The following SLC39A11 variants were observed in gnomAD, a reference collection of about 807,000 sequenced individuals.
SLC39A11 encodes the protein zinc transporter ZIP11.
In SLC39A11, 33 loss-of-function variants were observed where a neutral mutation model predicts 36.1. The ratio of observed to expected loss-of-function variants is 0.91; its 90% CI spans 0.69 to 1.22. The LOEUF is 1.22. Among genes scored for constraint, SLC39A11 ranks in the 50% most tolerant of loss-of-function variants. The probability of loss-of-function intolerance (pLI) is 0.00; values close to 1 mark genes in which losing one functional copy is unlikely to be tolerated. For synonymous variants in SLC39A11, 166 were observed against 170.3 expected (o/e 0.97, Z 0.20); for missense variants, 432 against 430.3 (o/e 1.00, Z -0.03).
intron 7 of SLC39A11, 22 bp from the exon 8 acceptor site, chr17:72,649,290 T>C: frequency 6.2e-7 from 1 of 1,606,856 alleles, no homozygotes. Flanking sequence ...AGAAAGCACA[T>C]GAAGGCTGCT....
At chr17:72,834,551 G>T (rs2078434058) in intron 6 of SLC39A11, among the ~76,000 whole-genome samples, 1 of 152,114 alleles carries the variant, frequency 6.6e-6, no homozygotes, top group African/African-American at 2.4e-5. Flanking sequence ...GAACCTGGGA[G>T]GCGGAGGTTG....
intron 5 of SLC39A11, among the ~76,000 whole-genome samples, chr17:72,929,475 C>T (rs941003761): frequency 6.6e-6 from 1 of 152,186 alleles, no homozygotes; most frequent in African/African-American, 2.4e-5. Flanking sequence ...CAGGGGTCAT[C>T]ATGGTGAGAG....
intron 3 of SLC39A11, among the ~76,000 whole-genome samples, chr17:73,050,047 GGAA>G (rs1406986209): frequency 6.6e-6 from 1 of 152,148 alleles, no homozygotes; most frequent in Admixed American, 6.6e-5. Context: ...CTTGAACCCG[GGAA>G]GAAGAGGTTG....
intron 6 of SLC39A11, among the ~76,000 whole-genome samples, chr17:72,767,438 C>G (rs888726099): frequency 2.0e-5 from 3 of 152,304 alleles, no homozygotes; most frequent in Admixed American, 6.5e-5. Context: ...CTGCAATAAG[C>G]AAAGCAGTGC....
chr17:72,789,178 G>A (rs1041845743), intron 6 of SLC39A11, among the ~76,000 whole-genome samples: 2 of 151,998 alleles, frequency 1.3e-5, no homozygotes, highest in Non-Finnish European at 2.9e-5. Context: ...GAGACTACAC[G>A]CGCACGCCAC....
intron 7 of SLC39A11, among the ~76,000 whole-genome samples, chr17:72,729,890 CGCCTATGGGCTTAACT>C (rs2074144296): frequency 6.6e-6 from 1 of 152,094 alleles, no homozygotes; most frequent in African/African-American, 2.4e-5. Flanking sequence ...AATCTTATGC[CGCCTATGGGCTTAACT>C]GTCGATTAAT....
intron 4 of SLC39A11, among the ~76,000 whole-genome samples, chr17:72,957,487 G>A (rs1169960325): frequency 2.0e-5 from 3 of 152,176 alleles, no homozygotes; most frequent in Non-Finnish European, 2.9e-5. Flanking sequence ...GAGGACACAA[G>A]GATACATTCT....
At chr17:72,985,533 C>T (rs11651132) in intron 4 of SLC39A11, among the ~76,000 whole-genome samples, 77,595 of 150,944 alleles carry the variant, frequency 0.51, 20,881 homozygotes, top group Middle Eastern at 0.69. Context: ...CTGCCTCAGC[C>T]TCCCGAGTAG....
At chr17:72,956,002 C>A (rs2086230535) in intron 4 of SLC39A11, among the ~76,000 whole-genome samples, 1 of 152,122 alleles carries the variant, frequency 6.6e-6, no homozygotes, top group South Asian at 2.1e-4. Context: ...TATCCTATGA[C>A]TCCCCAGTGA....
At chr17:72,852,228 A>AAC (rs1491123331) in intron 5 of SLC39A11, among the ~76,000 whole-genome samples, 1 of 134,916 alleles carries the variant, frequency 7.4e-6, no homozygotes, top group Non-Finnish European at 1.6e-5. Flanking sequence ...AAAAAAAAAA[A>AAC]CAGAAAGAAA....
chr17:72,770,551 G>A (rs1057473935), intron 6 of SLC39A11, among the ~76,000 whole-genome samples: 4 of 152,084 alleles, frequency 2.6e-5, no homozygotes, highest in African/African-American at 9.7e-5. Flanking sequence ...CTCCTTTCAC[G>A]GGTGTCAGAC....
chr17:72,902,186 G>A (rs1434785205), intron 5 of SLC39A11, among the ~76,000 whole-genome samples: 4 of 151,924 alleles, frequency 2.6e-5, no homozygotes, highest in South Asian at 2.1e-4. Flanking sequence ...CAGGATAATC[G>A]CTTAAACCTG....
At chr17:72,909,780 C>G (rs1035500500) in intron 5 of SLC39A11, among the ~76,000 whole-genome samples, 11 of 149,650 alleles carry the variant, frequency 7.4e-5, no homozygotes, top group Non-Finnish European at 1.2e-4. Context: ...GAGTCTCGCT[C>G]TGTTGCCCAG....
intron 5 of SLC39A11, among the ~76,000 whole-genome samples, chr17:72,898,757 C>T (rs963452736): frequency 3.3e-5 from 5 of 152,234 alleles, no homozygotes; most frequent in African/African-American, 7.2e-5. Context: ...TGTGCACACA[C>T]GTGCACATAC....
chr17:72,983,562 T>A (rs1346923617), intron 4 of SLC39A11, among the ~76,000 whole-genome samples: 2 of 151,974 alleles, frequency 1.3e-5, no homozygotes, highest in Non-Finnish European at 2.9e-5. Context: ...CAGACTAATA[T>A]ATCTACACTT....
intron 5 of SLC39A11, among the ~76,000 whole-genome samples, chr17:72,912,809 C>G (rs529137939): frequency 6.6e-6 from 1 of 152,246 alleles, no homozygotes; most frequent in African/African-American, 2.4e-5. Flanking sequence ...TGATCTTACA[C>G]CCCAGCCCTA....
In SLC39A11 at chr17:72,959,325, GTATATATATATATATATATATATATA is replaced by G. The variant is rs1186282631; in HGVS notation, c.307-11476_307-11451del. Among the ~76,000 whole-genome samples the G allele has an allele frequency of 7.6e-5, 5 of 65,546 alleles. 1 individual carries two copies. Among genetic ancestry groups the G allele is most frequent in the African/African-American group, 3.4e-4 (5 of 14,538 alleles). The allele number at this position is 65,546 out of a possible 152,430, so 43.0% of individuals were successfully genotyped here. A position where few individuals can be genotyped will look rare whatever the true frequency, so the allele number is the denominator to read the frequency against. On this transcript the variant is annotated intron_variant, in intron 4 of 9. Coordinates refer to ENST00000255559, the MANE Select transcript of SLC39A11 (RefSeq NM_139177.4). ...CTGGTGTATGTATGTGTGTGTGTGT[GTATATATATATATATATATATATATA>G]TATATATATATATATGATCGAATAC...
intron 4 of SLC39A11, among the ~76,000 whole-genome samples, chr17:73,016,117 A>G (rs200388176): frequency 6.7e-6 from 1 of 149,408 alleles, no homozygotes; most frequent in Non-Finnish European, 1.5e-5. Flanking sequence ...TATTCTGCCT[A>G]TATGCTTTTC....
In SLC39A11 at chr17:72,704,929, C is replaced by T. The variant is rs552052010; in HGVS notation, c.671+31721G>A. ...ACGGTCTATTTTGTTTGGACTTGAA[C>T]CTGGGAGGATATAGGGCTGGAGTCA... On this transcript the variant is annotated intron_variant, in intron 7 of 9. Coordinates refer to ENST00000255559, the MANE Select transcript of SLC39A11 (RefSeq NM_139177.4). Among the ~76,000 whole-genome samples, 16 of 152,150 alleles carry T rather than the reference C, an allele frequency of 1.1e-4. 2 individuals are homozygous for T. In the South Asian group the frequency reaches 3.1e-3, roughly 30 times the overall value.
Sources: gnomAD v4.1 joint callset for allele counts (sites outside exome capture counted in the v4.1 genomes callset) on GRCh38, gnomAD v4.1.1 for gene constraint, MANE v1.5 for transcripts, NCBI Gene and HGNC (gene_info 2026-07-23, HGNC 2026-07-21) for gene names.